Variants in MRS2 observed in about 807,000 individuals in gnomAD.
The protein encoded by MRS2 is magnesium transporter MRS2 homolog, mitochondrial.
A neutral mutation model predicts 52.6 loss-of-function variants in MRS2; 40 were observed. The observed-to-expected ratio is 0.76, with a 90% CI of 0.59 to 0.99. The LOEUF (loss-of-function observed/expected upper bound fraction) is 0.99. Ranked by LOEUF, MRS2 falls within the 50% of genes least tolerant of loss-of-function variation. The pLI, the probability that MRS2 is intolerant of heterozygous loss-of-function variation, is 0.00. For synonymous variants in MRS2, 193 were observed against 195.9 expected, an observed-to-expected ratio of 0.98 and a Z score of 0.13; for missense variants, 472 against 532.7, an observed-to-expected ratio of 0.89 and a Z score of 1.12.
In MRS2 at chr6:24,403,068, C is replaced by T. The variant is rs750921107; in HGVS notation, c.22C>T (p.Pro8Ser). The change falls in exon 1 of 11, where the codon CCC becomes TCC. Residue 8 changes from proline (P) to serine (S), a missense_variant. By Grantham distance (74) the Pro-to-Ser change is moderately conservative (BLOSUM62 -1). Transcript: ENST00000378386. Reference protein sequence around the residue: MECLRSLPCLLPRAMRLP... With the variant: MECLRSLSCLLPRAMRLP... The stretch of plus-strand genomic sequence containing the variant: ...CACCATGGAATGCCTGCGCAGTTTA[C>T]CCTGCCTCCTGCCCCGCGCGATGAG... The T allele has an allele frequency of 3.5e-5, 56 of 1,610,002 alleles. No individual in the cohort carries two copies. In the Admixed American group the frequency reaches 9.4e-4, roughly 27 times the overall value.
At position 24,424,922 on chromosome 6, in the gene MRS2, T is replaced by TG. The variant is rs1426323867; in HGVS notation, c.*1229dup. The TG allele has an allele frequency of 1.3e-5, 2 of 151,704 alleles. No homozygotes were observed. The highest frequency in any genetic ancestry group is 2.9e-5 in the Non-Finnish European group (2 of 67,918). The allele number at this position is 151,704 out of a possible 1,614,324, so 9.4% of individuals were successfully genotyped here. Reference sequence around the variant, plus strand: ...CGTCGCTGATTTGGAAGAAAACCGATGAAGTACAAGTAAGGTTTCCCCACT... The same window carrying TG: ...CGTCGCTGATTTGGAAGAAAACCGATGGAAGTACAAGTAAGGTTTCCCCACT... On this transcript the variant is annotated 3_prime_UTR_variant, in exon 11 of 11. Coordinates refer to ENST00000378386, the MANE Select transcript of MRS2 (RefSeq NM_020662.4).
chr6:24,423,839 G>C lies in MRS2; in HGVS notation c.*145G>C, dbSNP rs754576033. The C allele has an allele frequency of 4.3e-5, 18 of 420,082 alleles. No individual in the cohort carries two copies. In the South Asian group the frequency reaches 1.1e-3, roughly 25 times the overall value. 26.0% of individuals were successfully genotyped at this position (420,082 alleles called of 1,614,324 possible). A position where few individuals can be genotyped will look rare whatever the true frequency, so the allele number is the denominator to read the frequency against. On this transcript the variant is annotated 3_prime_UTR_variant, in exon 11 of 11. Transcript: ENST00000378386. ...AAATATTTTGGCAGTCACAATACCA[G>C]AACTGGATTGCATTTCCAGAATTCT...
rs1386839788 is a variant in MRS2, at chr6:24,424,187, C to T, written c.*493C>T. ...GTAAGTTTGAGCTTTAAAAACCAAA[C>T]TTTGACATAACCTTATTTCTTGTAT... On this transcript the variant is annotated 3_prime_UTR_variant, in exon 11 of 11. Coordinates refer to ENST00000378386, the MANE Select transcript of MRS2 (RefSeq NM_020662.4). 1.3e-5 allele frequency: 2 copies of T among 151,574 alleles called. No homozygotes were observed. Among genetic ancestry groups the T allele is most frequent in the Non-Finnish European group, 2.9e-5 (2 of 67,966 alleles). 9.4% of individuals were successfully genotyped at this position (151,574 alleles called of 1,614,324 possible). A position where few individuals can be genotyped will look rare whatever the true frequency, so the allele number is the denominator to read the frequency against.
At chr6:24,420,650 A>G (rs1762014920) in intron 9 of MRS2, among the ~76,000 whole-genome samples, 1 of 152,176 alleles carries the variant, frequency 6.6e-6, no homozygotes, top group Non-Finnish European at 1.5e-5. Context: ...CGGATAGAGA[A>G]TGTTAGGCAG....
chr6:24,409,654 G>T, intron 4 of MRS2, 81 bp downstream of exon 4: 1 of 819,168 alleles, frequency 1.2e-6, no homozygotes, highest in Middle Eastern at 2.5e-4. Context: ...TTAGTATCTA[G>T]GTTAAAAGTA....
Position 24,402,970 on chromosome 6 carries a change from A to AGAGCTGCGGCCT in MRS2, c.-72_-61dup. 1 of 1,389,340 alleles carries AGAGCTGCGGCCT rather than the reference A, an allele frequency of 7.2e-7. No homozygotes were observed. The allele number at this position is 1,389,340 out of a possible 1,614,324, so 86.1% of individuals were successfully genotyped here. ...GCAGGTCGGGCGGTAGCGACAGGTC[A>AGAGCTGCGGCCT]GAGCTGCGGCCTGAGCAGCCAGCGT... On this transcript the variant is annotated 5_prime_UTR_variant, in exon 1 of 11. Transcript: ENST00000378386.
chr6:24,418,106 GA>G lies in MRS2; in HGVS notation c.860del (p.Asp287AlafsTer30). Reference sequence around the variant, plus strand: ...AAGTGAAAAGAGCAGTGCTGGGATTGACCATGCAGAAGAGATGGAGTTGCTG... The same window carrying G: ...AAGTGAAAAGAGCAGTGCTGGGATTGCCATGCAGAAGAGATGGAGTTGCTG... Reference protein sequence around the residue: ...QVFEKSSAGIDHAEEMELLLE... With the variant: ...QVFEKSSAGIXHAEEMELLLE... On this transcript the variant is annotated frameshift_variant, in exon 8 of 11. Transcript: ENST00000378386. LOFTEE classifies it high-confidence loss of function. 1 of 1,613,062 alleles carries G rather than the reference GA, an allele frequency of 6.2e-7. No homozygotes were observed.
At chr6:24,413,833 G>A (rs140037452) in intron 5 of MRS2, among the ~76,000 whole-genome samples, 334 of 152,330 alleles carry the variant, frequency 2.2e-3, no homozygotes, top group African/African-American at 7.5e-3. Flanking sequence ...GTTAGTATAT[G>A]CTATTTGCCA....
At chr6:24,404,430 A>G (rs1000761453) in intron 1 of MRS2, among the ~76,000 whole-genome samples, 1 of 152,238 alleles carries the variant, frequency 6.6e-6, no homozygotes, top group Non-Finnish European at 1.5e-5. Flanking sequence ...AATTACAACA[A>G]TCATTACGTG....
At chr6:24,420,199 C>G (rs1416094139) in intron 9 of MRS2, among the ~76,000 whole-genome samples, 1 of 152,198 alleles carries the variant, frequency 6.6e-6, no homozygotes, top group South Asian at 2.1e-4. Context: ...CCACTCCTCT[C>G]CCCTCAGATC....
intron 9 of MRS2, among the ~76,000 whole-genome samples, chr6:24,420,420 G>C (rs1762006565): frequency 6.6e-6 from 1 of 152,144 alleles, no homozygotes; most frequent in Non-Finnish European, 1.5e-5. Context: ...GACAGTATTA[G>C]TCATTTTTAA....
rs760511113 is a variant in MRS2 at position 24,418,073 on chromosome 6, T to C, written c.837-11T>C. ...TGGGAGTATGTTAATTATTTTCTCT[T>C]TTAATTGAAGTGAAAAGAGCAGTGC... is the stretch of plus-strand genomic sequence containing the variant. On this transcript the variant is annotated splice_polypyrimidine_tract_variant and intron_variant, in intron 7 of 10. Transcript: ENST00000378386. 1.3e-4 allele frequency: 211 copies of C among 1,599,166 alleles called. 1 individual carries two copies. Among genetic ancestry groups the C allele is most frequent in the Non-Finnish European group, 1.7e-4 (196 of 1,175,884 alleles).
chr6:24,410,783 C>G, intron 4 of MRS2: 9 of 1,513,028 alleles, frequency 5.9e-6, no homozygotes, highest in Non-Finnish European at 8.0e-6. Flanking sequence ...GTGTCTCTTT[C>G]ATGGAGAGAC....
chr6:24,416,984 C>T (rs80133508), intron 7 of MRS2, among the ~76,000 whole-genome samples: 18,292 of 152,132 alleles, frequency 0.12, 1,464 homozygotes, highest in East Asian at 0.16. Context: ...GTGCACACTC[C>T]AGCTAAATGT....
In MRS2 at chr6:24,423,624, G is replaced by T; in HGVS notation, c.1262G>T (p.Ser421Ile). Residue 421 changes from serine (S) to isoleucine (I), a missense_variant, in exon 11 of 11, where the codon AGC becomes ATC. Ser to Ile is a moderately radical substitution (Grantham distance 142, BLOSUM62 -2). Coordinates refer to ENST00000378386, the MANE Select transcript of MRS2 (RefSeq NM_020662.4). Reference protein sequence around the residue: ...LPKKTLLADRSMELKNSLRLD... With the variant: ...LPKKTLLADRIMELKNSLRLD... The stretch of plus-strand genomic sequence containing the variant: ...AAAAAGACTCTTCTGGCAGATAGAA[G>T]CATGGAATTGAAAAATAGCCTCAGA... 6.2e-7 allele frequency: 1 copy of T among 1,611,706 alleles called. No homozygotes were observed. The highest frequency in any genetic ancestry group is 8.5e-7 in the Non-Finnish European group (1 of 1,178,154).
intron 8 of MRS2, 26 bp downstream of exon 8, chr6:24,418,262 GTTTT>G: frequency 2.0e-6 from 3 of 1,522,592 alleles, no homozygotes; most frequent in Non-Finnish European, 8.8e-7. Flanking sequence ...ATAAAACTAA[GTTTT>G]TTTAATAAAA....
At chr6:24,423,292 A>T (rs1461445188) in intron 10 of MRS2, 1 of 483,248 alleles carries the variant, frequency 2.1e-6, no homozygotes, top group Non-Finnish European at 3.7e-6. Flanking sequence ...ATAAGTTAGA[A>T]ATATAATTTG....
rs369255635 is a variant in MRS2, at chr6:24,424,047, G to A, written c.*353G>A. 3.4e-4 allele frequency: 55 copies of A among 159,848 alleles called. 1 individual carries two copies. The South Asian group carries it at 9.6e-3, about 28-fold the overall frequency. The allele number at this position is 159,848 out of a possible 1,614,324, so 9.9% of individuals were successfully genotyped here. A position where few individuals can be genotyped will look rare whatever the true frequency, so the allele number is the denominator to read the frequency against. On this transcript the variant is annotated 3_prime_UTR_variant, in exon 11 of 11. Coordinates refer to ENST00000378386, the MANE Select transcript of MRS2 (RefSeq NM_020662.4). ...TGAATGAAGCGTAGGAACTTGACAA[G>A]CCCATAGGTAGCTATAGTTCTTTGT...
chr6:24,412,198 T>G, intron 4 of MRS2, 24 bp from the exon 5 acceptor site: 2 of 1,443,526 alleles, frequency 1.4e-6, no homozygotes, highest in Admixed American at 2.4e-5. Context: ...TATTTATATG[T>G]TTTGGTTTTT....
Sources: gnomAD v4.1 joint callset for allele counts (sites outside exome capture counted in the v4.1 genomes callset) on GRCh38, gnomAD v4.1.1 for gene constraint, MANE v1.5 for transcripts, NCBI Gene and HGNC (gene_info 2026-07-23, HGNC 2026-07-21) for gene names.